CREB3L2: variants seen among roughly 807,000 people sequenced by gnomAD.
CREB3L2 encodes cAMP responsive element binding protein 3 like 2.
CREB3L2 carries 23 observed loss-of-function variants against 57.2 expected under a neutral mutation model. That is an observed-to-expected ratio of 0.40 (90% confidence interval 0.29 to 0.57). The LOEUF (loss-of-function observed/expected upper bound fraction) is 0.57. Ranked by LOEUF, CREB3L2 falls within the 20% of genes least tolerant of loss-of-function variation. CREB3L2 has a pLI of 0.42. For synonymous variants in CREB3L2, 268 were observed against 265.1 expected (o/e 1.01, Z -0.11); for missense variants, 628 against 634.7 (o/e 0.99, Z 0.11).
chr7:137,917,663 C>T (rs868317617), intron 2 of CREB3L2, among the ~76,000 whole-genome samples: 22 of 152,056 alleles, frequency 1.4e-4, no homozygotes, highest in African/African-American at 4.1e-4. Flanking sequence ...CTAAAATCTA[C>T]GATTATTAAA....
Position 138,002,056 on chromosome 7 carries a change from A to C in CREB3L2, c.-351T>G. ...CTTGCCGCTACGGCTCCAGACACAAACTTTGAGGGACCCCAGGGCTCCTCG... is the reference window on the plus strand; with the variant it reads ...CTTGCCGCTACGGCTCCAGACACAACCTTTGAGGGACCCCAGGGCTCCTCG... On this transcript the variant is annotated 5_prime_UTR_variant, in exon 1 of 12. Coordinates refer to ENST00000330387, the MANE Select transcript of CREB3L2 (RefSeq NM_194071.4). 3.4e-6 allele frequency: 1 copy of C among 295,134 alleles called. No homozygotes were observed. The allele number at this position is 295,134 out of a possible 1,614,324, so 18.3% of individuals were successfully genotyped here.
At chr7:137,910,247 T>C (rs1799978275) in intron 4 of CREB3L2, among the ~76,000 whole-genome samples, 1 of 152,026 alleles carries the variant, frequency 6.6e-6, no homozygotes, top group Non-Finnish European at 1.5e-5. Context: ...CTCTCTCTCA[T>C]TGCGATTCCC....
At chr7:137,934,150 A>G (rs992880412) in intron 1 of CREB3L2, among the ~76,000 whole-genome samples, 2 of 152,212 alleles carry the variant, frequency 1.3e-5, no homozygotes, top group Non-Finnish European at 2.9e-5. Context: ...TTCTCACTCA[A>G]TACTCACGAC....
chr7:137,902,776 T>C (rs565490849), intron 7 of CREB3L2, among the ~76,000 whole-genome samples: 22 of 138,286 alleles, frequency 1.6e-4, no homozygotes, highest in South Asian at 7.0e-4. Flanking sequence ...ATAGTTGTAT[T>C]ATTTTTTATT....
At chr7:137,899,769 G>C (rs1799714379) in intron 8 of CREB3L2, among the ~76,000 whole-genome samples, 1 of 152,224 alleles carries the variant, frequency 6.6e-6, no homozygotes, top group Non-Finnish European at 1.5e-5. Context: ...CAGAAATGCA[G>C]AGAAAATTTC....
chr7:137,924,963 A>T (rs894740509), intron 2 of CREB3L2, among the ~76,000 whole-genome samples: 1 of 152,204 alleles, frequency 6.6e-6, no homozygotes, highest in African/African-American at 2.4e-5. Flanking sequence ...AAATGATATA[A>T]TAACTCTCAA....
intron 5 of CREB3L2, among the ~76,000 whole-genome samples, 180 bp downstream of exon 5, chr7:137,908,072 G>A (rs920292784): frequency 2.0e-5 from 3 of 152,328 alleles, no homozygotes; most frequent in African/African-American, 2.4e-5. Flanking sequence ...GGTGAGATGT[G>A]CGGGCAGTTC....
Position 137,989,815 on chromosome 7 carries a change from C to T in CREB3L2, c.102+11789G>A, listed in dbSNP as rs1037241670. 3.9e-5 allele frequency among the ~76,000 whole-genome samples: 6 copies of T among 152,260 alleles called. No homozygotes were observed. The South Asian group carries it at 8.3e-4, about 21-fold the overall frequency. ...TCCCATTCAAGGTCAACGGCAACAC[C>T]GTCAACTCAGCCTTCCAAGCCAGAA... On this transcript the variant is annotated intron_variant, in intron 1 of 11. Coordinates refer to ENST00000330387, the MANE Select transcript of CREB3L2 (RefSeq NM_194071.4).
intron 1 of CREB3L2, among the ~76,000 whole-genome samples, chr7:137,932,395 C>G (rs1177173942): frequency 2.0e-5 from 3 of 152,084 alleles, no homozygotes; most frequent in Non-Finnish European, 2.9e-5. Flanking sequence ...TGATGATCCA[C>G]CCTCAGAGAC....
chr7:137,997,788 A>T (rs73153877), intron 1 of CREB3L2, among the ~76,000 whole-genome samples: 3,385 of 152,314 alleles, frequency 0.022, 57 homozygotes, highest in Non-Finnish European at 0.03. Context: ...CAATTCCCAG[A>T]AAGTAATTTT....
At chr7:137,912,536 A>G (rs909307032) in intron 4 of CREB3L2, among the ~76,000 whole-genome samples, 1 of 152,244 alleles carries the variant, frequency 6.6e-6, no homozygotes, top group African/African-American at 2.4e-5. Context: ...ATGTTTACAA[A>G]CAATGAATTG....
rs1563243826 is a variant in CREB3L2 at position 137,898,990 on chromosome 7, G to GGAA, written c.1043+2363_1043+2364insTTC. Among the ~76,000 whole-genome samples the GGAA allele has an allele frequency of 3.4e-3, 412 of 122,118 alleles. 6 individuals are homozygous for GGAA. Among genetic ancestry groups the GGAA allele is most frequent in the African/African-American group, 0.015 (399 of 26,862 alleles). The allele number at this position is 122,118 out of a possible 152,430, so 80.1% of individuals were successfully genotyped here. A position where few individuals can be genotyped will look rare whatever the true frequency, so the allele number is the denominator to read the frequency against. On this transcript the variant is annotated intron_variant, in intron 8 of 11. Coordinates refer to ENST00000330387, the MANE Select transcript of CREB3L2 (RefSeq NM_194071.4). The stretch of plus-strand genomic sequence containing the variant: ...AAGGAAGGAAGGAAGGAAGGAAGGA[G>GGAA]GGAGAAAGGAAGGAGAAGGGGAAAG...
rs182725243 is a variant in CREB3L2, at chr7:137,875,501, C to G, written c.*4975G>C. On this transcript the variant is annotated 3_prime_UTR_variant, in exon 12 of 12. Transcript: ENST00000330387. Reference sequence around the variant, plus strand: ...GGTTTTCCTTTCCCCAGATGTAAAGCCTGCTAGCTGGAACTCACAGAAGAT... The same window carrying G: ...GGTTTTCCTTTCCCCAGATGTAAAGGCTGCTAGCTGGAACTCACAGAAGAT... 2.2e-5 allele frequency: 5 copies of G among 223,630 alleles called. No homozygotes were observed. Among genetic ancestry groups the G allele is most frequent in the African/African-American group, 8.9e-5 (4 of 44,824 alleles). 13.9% of individuals were successfully genotyped at this position (223,630 alleles called of 1,614,324 possible). A position where few individuals can be genotyped will look rare whatever the true frequency, so the allele number is the denominator to read the frequency against.
chr7:137,975,636 T>G (rs1466101186), intron 1 of CREB3L2, among the ~76,000 whole-genome samples: 1 of 152,092 alleles, frequency 6.6e-6, no homozygotes, highest in Admixed American at 6.6e-5. Context: ...CACGGCATAC[T>G]TCTCCTAGAT....
At chr7:137,913,145 G>T in intron 3 of CREB3L2, 67 bp from the exon 4 acceptor site, 1 of 1,493,652 alleles carries the variant, frequency 6.7e-7, no homozygotes, top group South Asian at 1.3e-5. Flanking sequence ...ATGCAGGAGA[G>T]CTATTTGTCA....
At chr7:137,936,520 T>G (rs574421938) in intron 1 of CREB3L2, among the ~76,000 whole-genome samples, 36 of 152,316 alleles carry the variant, frequency 2.4e-4, no homozygotes, top group African/African-American at 8.2e-4. Flanking sequence ...ACCTGATCAG[T>G]AGTTTGTCAC....
At chr7:137,916,216 G>C (rs1214181348) in intron 2 of CREB3L2, among the ~76,000 whole-genome samples, 1 of 152,180 alleles carries the variant, frequency 6.6e-6, no homozygotes, top group Non-Finnish European at 1.5e-5. Context: ...GCTTGCATGT[G>C]AGTATGCCTA....
chr7:137,962,206 C>T (rs1801334986), intron 1 of CREB3L2, among the ~76,000 whole-genome samples: 1 of 152,138 alleles, frequency 6.6e-6, no homozygotes, highest in Non-Finnish European at 1.5e-5. Flanking sequence ...GCTTGGGCGA[C>T]TTGAATTCTA....
At chr7:137,917,829 A>G (rs574571569) in intron 2 of CREB3L2, among the ~76,000 whole-genome samples, 1 of 152,096 alleles carries the variant, frequency 6.6e-6, no homozygotes, top group Admixed American at 6.6e-5. Flanking sequence ...AGGTGGTGGA[A>G]GATGTTTTGC....
Sources: allele counts gnomAD v4.1 joint callset (sites outside exome capture counted in the v4.1 genomes callset), GRCh38; gene constraint gnomAD v4.1.1; transcripts MANE v1.5; gene names NCBI Gene and HGNC (gene_info 2026-07-23, HGNC 2026-07-21).